Variants in TDRD3 observed in about 807,000 individuals in gnomAD.
The protein encoded by TDRD3 is tudor domain containing 3.
TDRD3 carries 45 observed loss-of-function variants against 86.7 expected under a neutral mutation model. The observed-to-expected ratio is 0.52, with a 90% confidence interval of 0.41 to 0.67. The LOEUF (loss-of-function observed/expected upper bound fraction) is 0.67, where lower values mean the gene tolerates loss of function less well. Among genes scored for constraint, TDRD3 ranks in the 30% least tolerant of loss-of-function variants. The probability of loss-of-function intolerance (pLI) is 0.00; values close to 1 mark genes in which losing one functional copy is unlikely to be tolerated. For missense variants in TDRD3, 814 were observed against 889.0 expected, an observed-to-expected ratio of 0.92 and a Z score of 1.07; for synonymous variants, 298 against 301.7, an observed-to-expected ratio of 0.99 and a Z score of 0.13.
At position 60,467,336 on chromosome 13, in the gene TDRD3, G is replaced by A; in HGVS notation, c.452G>A (p.Gly151Asp). The change falls in exon 5 of 14, where the codon GGT becomes GAT. Residue 151 changes from glycine (G) to aspartate (D), a missense_variant. Coordinates refer to ENST00000377881, the MANE Select transcript of TDRD3 (RefSeq NM_001146070.2). ...AATGACTCTAACACCACAGTTCTTG[G>A]TGGTGAAGTGGAACACCTTATTGAG... ...LLNDSNTTVL[G>D]GEVEHLIEKW... The A allele has an allele frequency of 6.2e-7, 1 of 1,613,874 alleles. No homozygotes were observed.
intron 6 of TDRD3, 115 bp from the exon 7 acceptor site, chr13:60,485,684 G>A: frequency 1.2e-6 from 1 of 817,684 alleles, no homozygotes; most frequent in Middle Eastern, 4.0e-4. Flanking sequence ...TATTTGTGTA[G>A]GCTTTTAGCT....
At position 60,553,451 on chromosome 13, in the gene TDRD3, T is replaced by C. The variant is rs1021342093; in HGVS notation, c.2119-14074T>C. On this transcript the variant is annotated intron_variant, in intron 12 of 13. Transcript: ENST00000377881. ...AAGTCGCTTCCACATTTTCAGGTTA[T>C]CTTTTTAGCAGTACCCCACTCTGCT... Among the ~76,000 whole-genome samples, 12 of 152,208 alleles carry C rather than the reference T, an allele frequency of 7.9e-5. 1 individual carries two copies. Among genetic ancestry groups the C allele is most frequent in the Admixed American group, 3.3e-4 (5 of 15,282 alleles).
intron 1 of TDRD3, among the ~76,000 whole-genome samples, chr13:60,408,773 A>G (rs1954292492): frequency 6.6e-6 from 1 of 152,202 alleles, no homozygotes; most frequent in Non-Finnish European, 1.5e-5. Context: ...GAAAATTTGC[A>G]GCATGACTAA....
rs1477921590 is a variant in TDRD3 at position 60,463,106 on chromosome 13, C to G, written c.353+2566C>G. On this transcript the variant is annotated intron_variant, in intron 4 of 13. Coordinates refer to ENST00000377881, the MANE Select transcript of TDRD3 (RefSeq NM_001146070.2). ...GTCTCTCACCATATACAAAAATCAA[C>G]CTAAATGTGGCTGGGCATGGTGACT... Among the ~76,000 whole-genome samples, 4 of 152,040 alleles carry G rather than the reference C, an allele frequency of 2.6e-5. No individual in the cohort carries two copies. In the South Asian group the frequency reaches 6.2e-4, roughly 24 times the overall value.
At chr13:60,556,723 A>C (rs1324885661) in intron 12 of TDRD3, among the ~76,000 whole-genome samples, 1 of 152,216 alleles carries the variant, frequency 6.6e-6, no homozygotes, top group Non-Finnish European at 1.5e-5. Context: ...TGTTATTCTT[A>C]GTACTAGGTT....
intron 5 of TDRD3, among the ~76,000 whole-genome samples, chr13:60,468,710 T>A (rs1441502325): frequency 6.6e-6 from 1 of 152,138 alleles, no homozygotes; most frequent in Non-Finnish European, 1.5e-5. Context: ...TCCAAGACCA[T>A]TTTTTTCTGT....
intron 12 of TDRD3, among the ~76,000 whole-genome samples, chr13:60,546,877 C>T (rs1033010496): frequency 6.6e-6 from 1 of 151,988 alleles, no homozygotes; most frequent in Non-Finnish European, 1.5e-5. Flanking sequence ...CAGCTTTTTG[C>T]AGTATGGTGG....
rs544962780 is a variant in TDRD3 at position 60,459,458 on chromosome 13, A to C, written c.193-922A>C. Among the ~76,000 whole-genome samples, 9 of 152,358 alleles carry C rather than the reference A, an allele frequency of 5.9e-5. No individual in the cohort carries two copies. In the South Asian group the frequency reaches 1.9e-3, roughly 32 times the overall value. Reference sequence around the variant, plus strand: ...TGGCCAACACATATAATACAGCATTAGATTTAATATCGAAGTTAAAGTTTT... The same window carrying C: ...TGGCCAACACATATAATACAGCATTCGATTTAATATCGAAGTTAAAGTTTT... On this transcript the variant is annotated intron_variant, in intron 3 of 13. Coordinates refer to ENST00000377881, the MANE Select transcript of TDRD3 (RefSeq NM_001146070.2).
chr13:60,498,738 G>A (rs894450303), intron 8 of TDRD3, among the ~76,000 whole-genome samples: 6 of 152,160 alleles, frequency 3.9e-5, no homozygotes, highest in Non-Finnish European at 5.9e-5. Flanking sequence ...TCCCCAAGGA[G>A]ACCTCCGGCC....
rs111456824 is a variant in TDRD3, at chr13:60,398,201, A to G, written c.41+796A>G. On this transcript the variant is annotated intron_variant, in intron 1 of 13. Transcript: ENST00000377881. ...TCAGTAACGCTTTTCCCAGGCTTGC[A>G]CAGGCACATTCTGGGATGAAGGGTA... 3.4e-3 allele frequency among the ~76,000 whole-genome samples: 518 copies of G among 152,324 alleles called. 4 individuals are homozygous for G. The highest frequency in any genetic ancestry group is 0.012 in the African/African-American group (493 of 41,582).
chr13:60,520,378 A>G (rs1377265051), intron 10 of TDRD3, among the ~76,000 whole-genome samples: 2 of 152,140 alleles, frequency 1.3e-5, no homozygotes, highest in Non-Finnish European at 2.9e-5. Context: ...ATTAATGTTG[A>G]TTATGGCTTT....
chr13:60,500,161 G>A (rs1403108458), intron 8 of TDRD3, among the ~76,000 whole-genome samples: 1 of 152,142 alleles, frequency 6.6e-6, no homozygotes, highest in Admixed American at 6.5e-5. Context: ...GGTTTTGGTG[G>A]AAACCGAACA....
chr13:60,573,071 T>C (rs542887881), intron 13 of TDRD3, among the ~76,000 whole-genome samples: 5 of 152,332 alleles, frequency 3.3e-5, no homozygotes, highest in Non-Finnish European at 5.9e-5. Context: ...GCCTGGAGCA[T>C]ACAAGTCTTC....
intron 4 of TDRD3, among the ~76,000 whole-genome samples, chr13:60,462,695 A>G (rs995491986): frequency 6.6e-6 from 1 of 152,064 alleles, no homozygotes. Flanking sequence ...TATTATTACA[A>G]TGAAGTGAGA....
chr13:60,528,770 G>A lies in TDRD3; in HGVS notation c.1545G>A (p.Glu515=), dbSNP rs1219719382. The A allele has an allele frequency of 1.2e-6, 2 of 1,613,332 alleles. No homozygotes were observed. Among genetic ancestry groups the A allele is most frequent in the African/African-American group, 2.7e-5 (2 of 74,842 alleles). ...SRSGKGPSFA[E]AKENPLPQGS... ...CAGGAAAAGGTCCCTCCTTTGCAGAGGCAAAAGAAAATCCACTTCCTCAAG... is the reference window on the plus strand; with the variant it reads ...CAGGAAAAGGTCCCTCCTTTGCAGAAGCAAAAGAAAATCCACTTCCTCAAG... The change falls in exon 11 of 14, where the codon GAG becomes GAA. Residue 515 remains glutamate (E), a synonymous_variant. Coordinates refer to ENST00000377881, the MANE Select transcript of TDRD3 (RefSeq NM_001146070.2).
chr13:60,415,730 C>T (rs753785603), intron 1 of TDRD3, among the ~76,000 whole-genome samples: 5 of 151,992 alleles, frequency 3.3e-5, no homozygotes, highest in African/African-American at 7.2e-5. Flanking sequence ...ATGGATCTTC[C>T]GGGAACTACC....
At chr13:60,532,192 A>G (rs550613631) in intron 11 of TDRD3, among the ~76,000 whole-genome samples, 1 of 152,238 alleles carries the variant, frequency 6.6e-6, no homozygotes, top group Non-Finnish European at 1.5e-5. Flanking sequence ...AATGTCATGT[A>G]GCATCTAAAA....
At chr13:60,432,913 G>A (rs917521493) in intron 1 of TDRD3, among the ~76,000 whole-genome samples, 4 of 152,094 alleles carry the variant, frequency 2.6e-5, no homozygotes, top group Non-Finnish European at 5.9e-5. Context: ...CCTCAGTGTG[G>A]TAGCAGATAA....
At chr13:60,460,635 C>T in intron 4 of TDRD3, 95 bp downstream of exon 4, 4 of 1,106,366 alleles carry the variant, frequency 3.6e-6, no homozygotes, top group Non-Finnish European at 2.5e-6. Flanking sequence ...GGAATGGACC[C>T]TTAATTGTGT....
Sources: gnomAD v4.1 joint callset for allele counts (sites outside exome capture counted in the v4.1 genomes callset) on GRCh38, gnomAD v4.1.1 for gene constraint, MANE v1.5 for transcripts, NCBI Gene and HGNC (gene_info 2026-07-23, HGNC 2026-07-21) for gene names.